PTPRQ: variants seen among roughly 807,000 people sequenced by gnomAD.
PTPRQ encodes the protein protein tyrosine phosphatase receptor type Q.
A neutral mutation model predicts 246.0 loss-of-function variants in PTPRQ; 199 were observed. That is an observed-to-expected ratio of 0.81 (90% confidence interval 0.72 to 0.91). The LOEUF is 0.91. Among genes scored for constraint, PTPRQ ranks in the 40% least tolerant of loss-of-function variants. PTPRQ has a pLI of 0.00. For missense variants in PTPRQ, 2,624 were observed against 2,528.4 expected (o/e 1.04, Z -0.81); for synonymous variants, 869 against 853.2 (o/e 1.02, Z -0.32).
chr12:80,664,421 C>T (rs1287033572), intron 39 of PTPRQ, among the ~76,000 whole-genome samples: 3 of 151,968 alleles, frequency 2.0e-5, no homozygotes, highest in Non-Finnish European at 4.4e-5. Context: ...TGTCCTAGTC[C>T]CTGATAACAG....
intron 29 of PTPRQ, 103 bp downstream of exon 29, chr12:80,613,939 T>A: frequency 3.9e-6 from 5 of 1,281,650 alleles, no homozygotes; most frequent in Non-Finnish European, 4.0e-6. Context: ...ATTTCCCATA[T>A]CTTTTTGTGA....
chr12:80,549,747 A>G lies in PTPRQ; in HGVS notation c.4285+13A>G. On this transcript the variant is annotated intron_variant, in intron 25 of 44. Coordinates refer to ENST00000644991, the MANE Select transcript of PTPRQ (RefSeq NM_001145026.2). ...CTACCTGAAACAGGTAACTAACGTGAAACAGGTAACTAACATGAAACCTTT... is the reference window on the plus strand; with the variant it reads ...CTACCTGAAACAGGTAACTAACGTGGAACAGGTAACTAACATGAAACCTTT... 1 of 1,527,666 alleles carries G rather than the reference A, an allele frequency of 6.5e-7. No individual in the cohort carries two copies. Among genetic ancestry groups the G allele is most frequent in the Non-Finnish European group, 8.8e-7 (1 of 1,134,650 alleles). The allele number at this position is 1,527,666 out of a possible 1,614,324, so 94.6% of individuals were successfully genotyped here.
chr12:80,610,406 G>T (rs1898504151), intron 27 of PTPRQ, 33 bp from the exon 28 acceptor site: 6 of 1,442,758 alleles, frequency 4.2e-6, no homozygotes, highest in East Asian at 2.6e-5. Context: ...TTCAAGTGCT[G>T]CTTCCTTAAT....
intron 22 of PTPRQ, 74 bp from the exon 23 acceptor site, chr12:80,542,656 A>G: frequency 6.9e-7 from 1 of 1,456,580 alleles, no homozygotes; most frequent in South Asian, 1.4e-5. Context: ...AGTGTCTTCA[A>G]GAAAGTAAGT....
At chr12:80,484,153 G>A (rs758376368) in intron 8 of PTPRQ, among the ~76,000 whole-genome samples, 7 of 151,530 alleles carry the variant, frequency 4.6e-5, no homozygotes, top group Non-Finnish European at 8.8e-5. Context: ...TTACAGGCAC[G>A]CACCACCATG....
At chr12:80,650,168 C>T (rs1900210611) in intron 37 of PTPRQ, among the ~76,000 whole-genome samples, 1 of 151,612 alleles carries the variant, frequency 6.6e-6, no homozygotes. Flanking sequence ...ATTTCTAGAA[C>T]TGTCTAAAAA....
chr12:80,612,135 T>A (rs569784208), intron 28 of PTPRQ, among the ~76,000 whole-genome samples: 1 of 150,526 alleles, frequency 6.6e-6, no homozygotes, highest in African/African-American at 2.4e-5. Context: ...CAGTCACTTA[T>A]ATAAAGAACA....
chr12:80,600,588 T>A (rs557673483), intron 26 of PTPRQ, among the ~76,000 whole-genome samples: 2 of 151,874 alleles, frequency 1.3e-5, no homozygotes, highest in East Asian at 3.9e-4. Context: ...TGGGCAACGA[T>A]AATGTGCCAC....
intron 25 of PTPRQ, 49 bp downstream of exon 25, chr12:80,549,783 G>T (rs1172302118): frequency 6.7e-7 from 1 of 1,486,572 alleles, no homozygotes; most frequent in East Asian, 2.5e-5. Flanking sequence ...AACTATTTGG[G>T]GATTGTGTCA....
At chr12:80,521,309 G>A (rs1292142537) in intron 17 of PTPRQ, among the ~76,000 whole-genome samples, 34 of 152,026 alleles carry the variant, frequency 2.2e-4, no homozygotes, top group Non-Finnish European at 3.7e-4. Flanking sequence ...CCATTCTGAA[G>A]GTTGCCTGTT....
Position 80,555,346 on chromosome 12 carries a change from A to G in PTPRQ, c.4285+5612A>G, listed in dbSNP as rs190975708. ...AGTGTTGGGATTACAGGCATGAGCC[A>G]CACACCCAATCTAGCTTATTTGTTA... On this transcript the variant is annotated intron_variant, in intron 25 of 44. Coordinates refer to ENST00000644991, the MANE Select transcript of PTPRQ (RefSeq NM_001145026.2). 4.6e-5 allele frequency among the ~76,000 whole-genome samples: 7 copies of G among 152,352 alleles called. 2 individuals carry two copies. Among genetic ancestry groups the G allele is most frequent in the African/African-American group, 1.7e-4 (7 of 41,584 alleles).
chr12:80,526,955 C>A (rs1895705017), intron 17 of PTPRQ, among the ~76,000 whole-genome samples: 1 of 151,996 alleles, frequency 6.6e-6, no homozygotes, highest in South Asian at 2.1e-4. Flanking sequence ...TTTTTTCCAA[C>A]CTTTAGAGCT....
chr12:80,559,448 A>G (rs1896761558), intron 25 of PTPRQ, among the ~76,000 whole-genome samples: 1 of 152,156 alleles, frequency 6.6e-6, no homozygotes, highest in African/African-American at 2.4e-5. Flanking sequence ...GATTGTGTCT[A>G]TGGATGTCTA....
chr12:80,666,088 G>T (rs1306848919), intron 39 of PTPRQ, among the ~76,000 whole-genome samples: 1 of 152,032 alleles, frequency 6.6e-6, no homozygotes, highest in African/African-American at 2.4e-5. Context: ...AAGAAAATCA[G>T]TATGTCAAAG....
At position 80,670,500 on chromosome 12, in the gene PTPRQ, A is replaced by G; in HGVS notation, c.6602+8A>G. 2.1e-5 allele frequency: 32 copies of G among 1,533,418 alleles called. No individual in the cohort carries two copies. Among genetic ancestry groups the G allele is most frequent in the Non-Finnish European group, 2.6e-5 (30 of 1,138,334 alleles). 95.0% of individuals were successfully genotyped at this position (1,533,418 alleles called of 1,614,324 possible). A position where few individuals can be genotyped will look rare whatever the true frequency, so the allele number is the denominator to read the frequency against. On this transcript the variant is annotated splice_region_variant and intron_variant, in intron 42 of 44. Transcript: ENST00000644991. ...TATGATTGTTCACTGCAGGTGAGAA[A>G]GTGATCAGAAATGGCCTTTGAACCC...
chr12:80,557,576 A>G (rs905145098), intron 25 of PTPRQ, among the ~76,000 whole-genome samples: 1 of 152,092 alleles, frequency 6.6e-6, no homozygotes, highest in Non-Finnish European at 1.5e-5. Context: ...TGCAGTCACA[A>G]AACAATTTTT....
intron 9 of PTPRQ, among the ~76,000 whole-genome samples, chr12:80,488,251 A>G (rs7294789): frequency 0.079 from 11,962 of 152,012 alleles, 1,261 homozygotes; most frequent in African/African-American, 0.24. Context: ...CCAACTAACT[A>G]AAGAAGAGGA....
At chr12:80,590,056 A>C (rs1897741823) in intron 26 of PTPRQ, among the ~76,000 whole-genome samples, 1 of 152,174 alleles carries the variant, frequency 6.6e-6, no homozygotes, top group South Asian at 2.1e-4. Flanking sequence ...CCAGATCAGA[A>C]TATCTGCCTG....
At chr12:80,629,917 T>C (rs1189087137) in intron 33 of PTPRQ, among the ~76,000 whole-genome samples, 1 of 152,182 alleles carries the variant, frequency 6.6e-6, no homozygotes, top group Non-Finnish European at 1.5e-5. Flanking sequence ...AATTTAATAA[T>C]AATTAACATT....
Sources: allele counts gnomAD v4.1 joint callset (sites outside exome capture counted in the v4.1 genomes callset), GRCh38; gene constraint gnomAD v4.1.1; transcripts MANE v1.5; gene names NCBI Gene and HGNC (gene_info 2026-07-23, HGNC 2026-07-21).